DENND1A: variants seen among roughly 807,000 people sequenced by gnomAD.
DENND1A encodes the protein DENN domain-containing protein 1A.
A neutral mutation model predicts 113.7 loss-of-function variants in DENND1A; 51 were observed. That is an observed-to-expected ratio of 0.45 (90% confidence interval 0.36 to 0.57). The LOEUF (loss-of-function observed/expected upper bound fraction) is 0.57, where lower values mean the gene tolerates loss of function less well. Ranked by LOEUF, DENND1A falls within the 20% of genes least tolerant of loss-of-function variation. The pLI is 0.00. For synonymous variants in DENND1A, 565 were observed against 570.8 expected, an observed-to-expected ratio of 0.99 and a Z score of 0.14; for missense variants, 1,258 against 1,395.9, an observed-to-expected ratio of 0.90 and a Z score of 1.57.
intron 13 of DENND1A, among the ~76,000 whole-genome samples, chr9:123,460,870 C>A (rs2048469528): frequency 6.6e-6 from 1 of 152,266 alleles, no homozygotes; most frequent in East Asian, 1.9e-4. Flanking sequence ...TGACTAATGT[C>A]TCTTTTTCCC....
chr9:123,844,562 A>C (rs994844026), intron 2 of DENND1A, among the ~76,000 whole-genome samples: 4 of 152,160 alleles, frequency 2.6e-5, no homozygotes, highest in Non-Finnish European at 5.9e-5. Context: ...GGGGAAAAAA[A>C]CCCTAAACAT....
intron 5 of DENND1A, among the ~76,000 whole-genome samples, chr9:123,697,771 T>C (rs916854092): frequency 2.2e-4 from 34 of 152,278 alleles, no homozygotes; most frequent in African/African-American, 8.2e-4. Flanking sequence ...GGAGTAGTCA[T>C]GGAGTGACAC....
intron 20 of DENND1A, among the ~76,000 whole-genome samples, chr9:123,410,909 A>C (rs1262779400): frequency 1.3e-5 from 2 of 152,116 alleles, no homozygotes; most frequent in African/African-American, 2.4e-5. Flanking sequence ...AGCACCTGCT[A>C]AAGTTCGCAT....
intron 19 of DENND1A, chr9:123,413,350 T>C (rs997969257): frequency 1.1e-6 from 1 of 900,498 alleles, no homozygotes; most frequent in East Asian, 1.2e-4. Context: ...TTCACCTGTT[T>C]ATGTTTCACA....
chr9:123,863,667 T>G (rs1030235829), intron 2 of DENND1A, among the ~76,000 whole-genome samples: 2 of 151,988 alleles, frequency 1.3e-5, no homozygotes, highest in Admixed American at 6.6e-5. Flanking sequence ...AAGTGAGAAT[T>G]TATGCTGCCT....
At chr9:123,798,560 C>A (rs1387219299) in intron 2 of DENND1A, 4 of 151,852 alleles carry the variant, frequency 2.6e-5, no homozygotes, top group Non-Finnish European at 4.4e-5. Flanking sequence ...CAGCAAATGC[C>A]ACTACTTACT....
At chr9:123,913,556 A>G (rs1180528787) in intron 1 of DENND1A, among the ~76,000 whole-genome samples, 3 of 152,164 alleles carry the variant, frequency 2.0e-5, no homozygotes, top group Non-Finnish European at 4.4e-5. Context: ...AAGAGGGAAA[A>G]AAAGATTTAA....
chr9:123,619,481 G>A (rs554150582), intron 10 of DENND1A, among the ~76,000 whole-genome samples: 18 of 152,260 alleles, frequency 1.2e-4, no homozygotes, highest in Admixed American at 9.1e-4. Flanking sequence ...GTGCAATGGC[G>A]TGATCACAGC....
chr9:123,383,853 ACT>A lies in DENND1A; in HGVS notation c.1819_1820del (p.Pro608ArgfsTer16), dbSNP rs773171723. The A allele has an allele frequency of 3.1e-6, 5 of 1,613,200 alleles. No homozygotes were observed. The highest frequency in any genetic ancestry group is 2.2e-5 in the East Asian group (1 of 44,860). On this transcript the variant is annotated frameshift_variant, in exon 23 of 24. Transcript: ENST00000394215. LOFTEE classifies it high-confidence loss of function. The part of the protein sequence containing the change: ...SDSAEGDEAE[S>X]PEQQVRKSTG... Reference sequence around the variant, plus strand: ...TGGACTTCCGCACTTGCTGCTCTGGACTCTCTGCCTCGTCGCCTTCCGCGCTG... The same window carrying A: ...TGGACTTCCGCACTTGCTGCTCTGGACTCTGCCTCGTCGCCTTCCGCGCTG...
intron 5 of DENND1A, among the ~76,000 whole-genome samples, chr9:123,685,057 G>T (rs1280642460): frequency 2.0e-5 from 3 of 152,186 alleles, no homozygotes; most frequent in African/African-American, 7.2e-5. Context: ...TTACTTACTG[G>T]CTGTGGCCTG....
chr9:123,469,285 A>G (rs996744012), intron 13 of DENND1A, among the ~76,000 whole-genome samples: 10 of 152,252 alleles, frequency 6.6e-5, no homozygotes, highest in Non-Finnish European at 1.2e-4. Context: ...AAGCCAGCTC[A>G]CTGTTCAGAT....
At chr9:123,744,385 A>G (rs966996657) in intron 5 of DENND1A, among the ~76,000 whole-genome samples, 1 of 152,128 alleles carries the variant, frequency 6.6e-6, no homozygotes, top group Non-Finnish European at 1.5e-5. Context: ...ACTATCCTCT[A>G]TTTCTAGGCC....
chr9:123,824,061 T>C (rs1322770959), intron 2 of DENND1A, among the ~76,000 whole-genome samples: 1 of 152,188 alleles, frequency 6.6e-6, no homozygotes, highest in Non-Finnish European at 1.5e-5. Context: ...ATCAAAGTTC[T>C]TTCATAACAC....
intron 1 of DENND1A, among the ~76,000 whole-genome samples, chr9:123,879,480 C>T (rs1465916755): frequency 6.6e-6 from 1 of 152,046 alleles, no homozygotes. Context: ...TTGCAGTGAG[C>T]TAAGATCACG....
chr9:123,511,577 C>T (rs1170056299), intron 13 of DENND1A, among the ~76,000 whole-genome samples: 1 of 152,254 alleles, frequency 6.6e-6, no homozygotes, highest in Non-Finnish European at 1.5e-5. Context: ...ACCATAGCAG[C>T]AGCACAAGGC....
rs1487107020 is a variant in DENND1A, at chr9:123,667,062, C to A, written c.471G>T (p.Val157=). The A allele has an allele frequency of 1.3e-6, 2 of 1,599,024 alleles. No individual in the cohort carries two copies. Among genetic ancestry groups the A allele is most frequent in the Non-Finnish European group, 1.7e-6 (2 of 1,175,422 alleles). The change falls in exon 8 of 24, where the codon GTG becomes GTT. Residue 157 remains valine, a synonymous_variant. Transcript: ENST00000394215. ...TGCTGGGAAGTTCTCTGGTATCAGGCACAGTAAAATAAGAATGCTAGAAAA... is the reference window on the plus strand; with the variant it reads ...TGCTGGGAAGTTCTCTGGTATCAGGAACAGTAAAATAAGAATGCTAGAAAA... The part of the protein sequence containing the change: ...VHLSVHSYFT[V]PDTRELPSIP...
At chr9:123,395,411 C>T (rs561635266) in intron 21 of DENND1A, among the ~76,000 whole-genome samples, 2 of 151,684 alleles carry the variant, frequency 1.3e-5, no homozygotes, top group East Asian at 3.9e-4. Flanking sequence ...GGCTCAGGCT[C>T]CACGGCTGGC....
intron 2 of DENND1A, among the ~76,000 whole-genome samples, chr9:123,859,612 T>C (rs1473324320): frequency 6.6e-6 from 1 of 152,054 alleles, no homozygotes; most frequent in African/African-American, 2.4e-5. Flanking sequence ...CCAGAAAACA[T>C]TGCCCATTCT....
At chr9:123,444,014 C>T (rs1230203177) in intron 18 of DENND1A, among the ~76,000 whole-genome samples, 1 of 152,004 alleles carries the variant, frequency 6.6e-6, no homozygotes, top group Non-Finnish European at 1.5e-5. Context: ...TGGTAGAGAT[C>T]TTATACGTAG....
Sources: gnomAD v4.1 joint callset for allele counts (sites outside exome capture counted in the v4.1 genomes callset) on GRCh38, gnomAD v4.1.1 for gene constraint, MANE v1.5 for transcripts, NCBI Gene and HGNC (gene_info 2026-07-23, HGNC 2026-07-21) for gene names.